CACNB2: variants seen among roughly 807,000 people sequenced by gnomAD.
CACNB2 encodes calcium voltage-gated channel auxiliary subunit beta 2.
CACNB2 carries 42 observed loss-of-function variants against 73.3 expected under a neutral mutation model. The ratio of observed to expected loss-of-function variants is 0.57; its 90% CI spans 0.45 to 0.74. The LOEUF is 0.74. Ranked by LOEUF, CACNB2 falls within the 30% of genes least tolerant of loss-of-function variation. The pLI is 0.00. For synonymous variants in CACNB2, 348 were observed against 310.3 expected, an observed-to-expected ratio of 1.12 and a Z score of -1.28; for missense variants, 940 against 853.0, an observed-to-expected ratio of 1.10 and a Z score of -1.27.
chr10:18,205,364 A>G (rs2035046776), intron 2 of CACNB2, among the ~76,000 whole-genome samples: 2 of 152,216 alleles, frequency 1.3e-5, no homozygotes. Context: ...AAGCGCAGCA[A>G]TTAGCCCAGC....
intron 2 of CACNB2, among the ~76,000 whole-genome samples, chr10:18,338,817 C>T (rs1156291038): frequency 4.2e-5 from 6 of 144,104 alleles, no homozygotes; most frequent in Non-Finnish European, 8.9e-5. Flanking sequence ...TAGCTCATTG[C>T]AGCCTCTACC....
chr10:18,208,445 T>C (rs2035184943), intron 2 of CACNB2, among the ~76,000 whole-genome samples: 1 of 152,000 alleles, frequency 6.6e-6, no homozygotes. Context: ...AGACCCCATC[T>C]ATACAAAAAC....
intron 2 of CACNB2, among the ~76,000 whole-genome samples, chr10:18,318,015 G>A (rs1226896267): frequency 6.6e-6 from 1 of 152,142 alleles, no homozygotes; most frequent in Non-Finnish European, 1.5e-5. Flanking sequence ...CTCATGGATA[G>A]GAAGATTCAA....
Position 18,199,854 on chromosome 10 carries a change from G to A in CACNB2, c.213+48879G>A, listed in dbSNP as rs533927211. ...GATGGTAGCTTGGTCTAGAACATTG[G>A]TGGAGAATTGGGAAGAAGCGGTTGG... On this transcript the variant is annotated intron_variant, in intron 2 of 13. Coordinates refer to ENST00000324631, the MANE Select transcript of CACNB2 (RefSeq NM_201596.3). Among the ~76,000 whole-genome samples the A allele has an allele frequency of 2.0e-5, 3 of 152,042 alleles. No individual in the cohort carries two copies. In the South Asian group the frequency reaches 6.2e-4, roughly 32 times the overall value.
chr10:18,499,335 G>T (rs2050032448), intron 4 of CACNB2, among the ~76,000 whole-genome samples: 1 of 152,136 alleles, frequency 6.6e-6, no homozygotes, highest in South Asian at 2.1e-4. Context: ...AAAGAACCTA[G>T]GGCTGGGCCC....
At chr10:18,417,981 A>T (rs1346538708) in intron 3 of CACNB2, among the ~76,000 whole-genome samples, 1 of 152,240 alleles carries the variant, frequency 6.6e-6, no homozygotes, top group Non-Finnish European at 1.5e-5. Context: ...AGTTAGATGT[A>T]ACAATTGACT....
chr10:18,411,664 A>T (rs532700578), intron 3 of CACNB2, among the ~76,000 whole-genome samples: 1 of 152,092 alleles, frequency 6.6e-6, no homozygotes, highest in East Asian at 1.9e-4. Context: ...ACCTGCCACC[A>T]TGTGGGCTAA....
intron 1 of CACNB2, among the ~76,000 whole-genome samples, chr10:18,141,398 G>A (rs938975359): frequency 6.6e-6 from 1 of 152,238 alleles, no homozygotes; most frequent in African/African-American, 2.4e-5. Flanking sequence ...GGACCACGCT[G>A]CGCACCTGGG....
At chr10:18,184,435 C>T (rs1185556645) in intron 2 of CACNB2, among the ~76,000 whole-genome samples, 1 of 152,100 alleles carries the variant, frequency 6.6e-6, no homozygotes, top group Admixed American at 6.5e-5. Context: ...TCAGTTTCCC[C>T]TATTATTAAC....
chr10:18,231,640 G>T (rs1487718971), intron 2 of CACNB2, among the ~76,000 whole-genome samples: 1 of 152,200 alleles, frequency 6.6e-6, no homozygotes, highest in African/African-American at 2.4e-5. Context: ...AAACTTGACA[G>T]TACGGTAAGT....
chr10:18,289,036 C>A (rs2038932889), intron 2 of CACNB2, among the ~76,000 whole-genome samples: 1 of 152,130 alleles, frequency 6.6e-6, no homozygotes, highest in African/African-American at 2.4e-5. Context: ...CAGAGCAAGA[C>A]TCCATCTCAA....
intron 3 of CACNB2, among the ~76,000 whole-genome samples, chr10:18,420,491 C>T (rs1034076891): frequency 6.6e-6 from 1 of 152,060 alleles, no homozygotes; most frequent in Admixed American, 6.6e-5. Flanking sequence ...GAGAAAAGAT[C>T]GATGGATGTC....
intron 3 of CACNB2, among the ~76,000 whole-genome samples, chr10:18,492,633 AAAAAAG>A (rs1243248598): frequency 4.0e-4 from 52 of 130,470 alleles, no homozygotes; most frequent in South Asian, 3.1e-3. Flanking sequence ...AAAAAAAAAA[AAAAAAG>A]AAAAAAAGAA....
intron 2 of CACNB2, chr10:18,182,243 C>G (rs1012818803): frequency 1.3e-5 from 2 of 151,798 alleles, no homozygotes; most frequent in Admixed American, 6.6e-5. Context: ...CGGGCATCCA[C>G]CTGAGGTCAA....
chr10:18,161,222 G>C (rs973050122), intron 2 of CACNB2, among the ~76,000 whole-genome samples: 3 of 152,176 alleles, frequency 2.0e-5, no homozygotes, highest in Non-Finnish European at 4.4e-5. Context: ...TTGGCCATCT[G>C]TGTTATCCTT....
At chr10:18,400,071 C>T (rs1463255809) in intron 2 of CACNB2, among the ~76,000 whole-genome samples, 1 of 152,212 alleles carries the variant, frequency 6.6e-6, no homozygotes, top group Non-Finnish European at 1.5e-5. Flanking sequence ...GTTGGAGAAG[C>T]AGTTCGAAGT....
At chr10:18,487,940 C>T (rs770334230) in intron 3 of CACNB2, among the ~76,000 whole-genome samples, 67 of 151,722 alleles carry the variant, frequency 4.4e-4, no homozygotes, top group African/African-American at 2.7e-4. Context: ...GCTGCTGCAG[C>T]GACCCTAGTT....
intron 2 of CACNB2, among the ~76,000 whole-genome samples, chr10:18,338,215 A>G (rs1040209414): frequency 4.6e-5 from 7 of 152,228 alleles, no homozygotes; most frequent in African/African-American, 1.7e-4. Context: ...CACAGAACGG[A>G]AAAAAGACAT....
chr10:18,442,106 A>G (rs2046436827), intron 3 of CACNB2, among the ~76,000 whole-genome samples: 1 of 152,150 alleles, frequency 6.6e-6, no homozygotes, highest in Non-Finnish European at 1.5e-5. Context: ...AGGGAGGTGG[A>G]AAGGATCTGT....
Sources: gnomAD v4.1 joint callset for allele counts (sites outside exome capture counted in the v4.1 genomes callset) on GRCh38, gnomAD v4.1.1 for gene constraint, MANE v1.5 for transcripts, NCBI Gene and HGNC (gene_info 2026-07-23, HGNC 2026-07-21) for gene names.